The following ZAN variants were observed in gnomAD, a reference collection of about 807,000 sequenced individuals.
ZAN encodes the protein zonadhesin.
In ZAN, 260 loss-of-function variants were observed where a neutral mutation model predicts 286.2. That is an observed-to-expected ratio of 0.91 (90% confidence interval 0.82 to 1.01). The LOEUF (loss-of-function observed/expected upper bound fraction) is 1.01. Among genes scored for constraint, ZAN ranks in the 50% least tolerant of loss-of-function variants. ZAN has a pLI of 0.00. For synonymous variants in ZAN, 1,368 were observed against 1,417.5 expected, an observed-to-expected ratio of 0.97 and a Z score of 0.79; for missense variants, 3,410 against 3,639.2, an observed-to-expected ratio of 0.94 and a Z score of 1.62.
At position 100,792,423 on chromosome 7, in the gene ZAN, G is replaced by A. The variant is rs372091070; in HGVS notation, c.7731G>A (p.Leu2577=). The A allele has an allele frequency of 9.2e-5, 149 of 1,613,176 alleles. No homozygotes were observed. Among genetic ancestry groups the A allele is most frequent in the Non-Finnish European group, 1.3e-4 (148 of 1,179,566 alleles). Residue 2577 remains leucine, a synonymous_variant, in exon 42 of 48, where the codon CTG becomes CTA. Coordinates refer to ENST00000613979, the MANE Select transcript of ZAN (RefSeq NM_003386.3). ...EPFQEHCVLD[L]CSAQDPREQE... ...GCACCAGGCACTGCGTGCTGGATCT[G>A]TGCTCTGCTCAGGACCCAAGAGAGC...
chr7:100,779,389 A>C, intron 34 of ZAN, 57 bp from the exon 35 acceptor site: 1 of 1,499,572 alleles, frequency 6.7e-7, no homozygotes, highest in Non-Finnish European at 8.9e-7. Flanking sequence ...AGAAAAAAAA[A>C]TTTTGTGTCA....
intron 14 of ZAN, among the ~76,000 whole-genome samples, chr7:100,754,137 G>A (rs1326908261): frequency 6.6e-6 from 1 of 152,048 alleles, no homozygotes; most frequent in Non-Finnish European, 1.5e-5. Context: ...CCATACTGTA[G>A]CATGCATCAG....
chr7:100,781,710 G>A (rs1277957085), intron 35 of ZAN, among the ~76,000 whole-genome samples: 1 of 144,180 alleles, frequency 6.9e-6, no homozygotes, highest in African/African-American at 2.6e-5. Context: ...CTATGATCTC[G>A]GCTCACTGTG....
At chr7:100,734,402 G>C (rs570719137) in intron 2 of ZAN, among the ~76,000 whole-genome samples, 181 bp downstream of exon 2, 3 of 139,514 alleles carry the variant, frequency 2.2e-5, no homozygotes, top group African/African-American at 7.8e-5. Context: ...GGCAGATCAC[G>C]AGGTCAGGAG....
rs1810556842 is a variant in ZAN, at chr7:100,773,753, C to T, written c.5667C>T (p.Cys1889=). The change falls in exon 31 of 48, where the codon TGC becomes TGT. Residue 1889 remains cysteine (C), a synonymous_variant. Coordinates refer to ENST00000613979, the MANE Select transcript of ZAN (RefSeq NM_003386.3). ...VGERWYTENT[C]TRLCTCSVHN... is the part of the protein sequence containing the mutation. Reference sequence around the variant, plus strand: ...AGCGCTGGTACACAGAGAACACCTGCACCAGGCTCTGCACCTGCTCCGTCC... The same window carrying T: ...AGCGCTGGTACACAGAGAACACCTGTACCAGGCTCTGCACCTGCTCCGTCC... 3 of 1,611,464 alleles carry T rather than the reference C, an allele frequency of 1.9e-6. No homozygotes were observed. Among genetic ancestry groups the T allele is most frequent in the Non-Finnish European group, 8.5e-7 (1 of 1,178,754 alleles).
intron 35 of ZAN, among the ~76,000 whole-genome samples, chr7:100,783,787 C>CACAT (rs1182700250): frequency 9.1e-5 from 1 of 11,032 alleles, no homozygotes; most frequent in East Asian, 2.2e-3. Context: ...TATATATACA[C>CACAT]ATATATATAT....
At chr7:100,758,401 C>T in intron 16 of ZAN, 58 bp downstream of exon 16, 8 of 1,595,200 alleles carry the variant, frequency 5.0e-6, no homozygotes, top group Non-Finnish European at 1.7e-6. Context: ...AGACGTGACG[C>T]CAGGATCCCA....
Position 100,769,835 on chromosome 7 carries a change from C to G in ZAN, c.5154-45C>G, listed in dbSNP as rs767767447. 6.5e-6 allele frequency: 10 copies of G among 1,530,452 alleles called. No homozygotes were observed. The African/African-American group carries it at 1.4e-4, about 21-fold the overall frequency. 94.8% of individuals were successfully genotyped at this position (1,530,452 alleles called of 1,614,324 possible). ...GTGCTGGGATTATAGGCATGAGCCA[C>G]TGCACCCAACCTGTAGCCCTCAGTT... is the stretch of plus-strand genomic sequence containing the variant. On this transcript the variant is annotated intron_variant, in intron 27 of 47. Coordinates refer to ENST00000613979, the MANE Select transcript of ZAN (RefSeq NM_003386.3).
chr7:100,788,648 G>A (rs1811736445), intron 38 of ZAN, among the ~76,000 whole-genome samples: 1 of 152,118 alleles, frequency 6.6e-6, no homozygotes, highest in African/African-American at 2.4e-5. Context: ...CAGAGCGTGA[G>A]GTGTGTGAAG....
At position 100,766,383 on chromosome 7, in the gene ZAN, G is replaced by A. The variant is rs570530125; in HGVS notation, c.4471-142G>A. 3,864 of 1,077,560 alleles carry A rather than the reference G, an allele frequency of 3.6e-3. 190 individuals carry two copies. The South Asian group carries it at 0.072, about 20-fold the overall frequency. The allele number at this position is 1,077,560 out of a possible 1,614,324, so 66.7% of individuals were successfully genotyped here. On this transcript the variant is annotated intron_variant, in intron 23 of 47. Coordinates refer to ENST00000613979, the MANE Select transcript of ZAN (RefSeq NM_003386.3). ...ATGCCAAGCTTTTGCAGCGAATCTC[G>A]GAGCTTCAGGAAGAGAGGATGTCTC...
At chr7:100,787,798 G>T (rs1021491410) in intron 37 of ZAN, 91 bp from the exon 38 acceptor site, 5 of 1,328,204 alleles carry the variant, frequency 3.8e-6, no homozygotes, top group Non-Finnish European at 4.9e-6. Context: ...CTGACCTCAG[G>T]TCATCCACCC....
In ZAN at chr7:100,767,948, G is replaced by A. The variant is rs562755850; in HGVS notation, c.4978G>A (p.Gly1660Arg). 1.3e-5 allele frequency: 21 copies of A among 1,613,912 alleles called. No homozygotes were observed. The South Asian group carries it at 1.5e-4, about 12-fold the overall frequency. ...TNFGLQVRYD[G>R]SHLVEVTVPS... Reference sequence around the variant, plus strand: ...CTTTGGGCTCCAAGTTCGCTACGACGGGAGCCACTTGGTGGAAGTGACAGT... The same window carrying A: ...CTTTGGGCTCCAAGTTCGCTACGACAGGAGCCACTTGGTGGAAGTGACAGT... Residue 1660 changes from glycine (G) to arginine (R), a missense_variant, in exon 26 of 48, where the codon GGG (glycine) becomes AGG (arginine). Coordinates refer to ENST00000613979, the MANE Select transcript of ZAN (RefSeq NM_003386.3).
intron 7 of ZAN, among the ~76,000 whole-genome samples, chr7:100,745,334 G>C (rs1463250869): frequency 6.6e-6 from 1 of 151,658 alleles, no homozygotes; most frequent in Non-Finnish European, 1.5e-5. Context: ...TTCGGCAGGA[G>C]TGAGCGCGCG....
In ZAN at chr7:100,773,382, A is replaced by G; in HGVS notation, c.5523A>G (p.Ala1841=). The change falls in exon 30 of 48, where the codon GCA becomes GCG. Residue 1841 remains alanine (A), a synonymous_variant. Coordinates refer to ENST00000613979, the MANE Select transcript of ZAN (RefSeq NM_003386.3). ...ACAACCCGAGGGACTGCCCCAAAGC[A>G]CTGCCCTGTGCTGAGAGCTGTGAAT... The part of the protein sequence containing the change: ...SINNPRDCPK[A]LPCAESCECQ... The G allele has an allele frequency of 6.2e-7, 1 of 1,614,030 alleles. No homozygotes were observed. The highest frequency in any genetic ancestry group is 8.5e-7 in the Non-Finnish European group (1 of 1,179,896).
chr7:100,797,290 C>T, intron 45 of ZAN, 76 bp from the exon 46 acceptor site: 1 of 1,427,222 alleles, frequency 7.0e-7, no homozygotes, highest in Non-Finnish European at 9.8e-7. Context: ...CAAGCAATCC[C>T]CAAAAGGGAG....
At chr7:100,793,001 A>AAAAAAAAAAAG (rs1812100820) in intron 42 of ZAN, among the ~76,000 whole-genome samples, 6 of 146,268 alleles carry the variant, frequency 4.1e-5, no homozygotes, top group Non-Finnish European at 9.1e-5. Flanking sequence ...AAAAAAAGAA[A>AAAAAAAAAAAG]GAAAGAAAGA....
chr7:100,748,490 C>G lies in ZAN; in HGVS notation c.1249+20C>G, dbSNP rs571915618. 6.3e-6 allele frequency: 10 copies of G among 1,597,960 alleles called. No homozygotes were observed. The African/African-American group carries it at 1.2e-4, about 19-fold the overall frequency. On this transcript the variant is annotated intron_variant, in intron 11 of 47. Transcript: ENST00000613979. ...ATGCAGGTGAGGAGATTGAGGAGCG[C>G]TCACGCCAAGAAATCACTCAGTCTG...
In ZAN at chr7:100,775,326, A is replaced by T; in HGVS notation, c.5780-2A>T. Reference sequence around the variant, plus strand: ...AGCCCAGCTGTCTCTCTGTCCTCCCAGGTGTGGGAGTGTGTCAGCTCCCAG... The same window carrying T: ...AGCCCAGCTGTCTCTCTGTCCTCCCTGGTGTGGGAGTGTGTCAGCTCCCAG... On this transcript the variant is annotated splice_acceptor_variant, in intron 31 of 47. Transcript: ENST00000613979. LOFTEE classifies it high-confidence loss of function. 1 of 1,612,578 alleles carries T rather than the reference A, an allele frequency of 6.2e-7. No homozygotes were observed. Among genetic ancestry groups the T allele is most frequent in the African/African-American group, 1.3e-5 (1 of 75,006 alleles).
At position 100,758,301 on chromosome 7, in the gene ZAN, G is replaced by C; in HGVS notation, c.3409G>C (p.Val1137Leu). Residue 1137 changes from valine (V) to leucine (L), a missense_variant, in exon 16 of 48, where the codon GTG becomes CTG. Val to Leu is a conservative substitution (Grantham distance 32, BLOSUM62 1). Transcript: ENST00000613979. ...CQISQCGTHT[V>L]CQLKNGQYGC... ...GATCTCTCAGTGTGGGACACACACC[G>C]TGTGCCAGCTTAAGAATGGCCAGTA... is the stretch of plus-strand genomic sequence containing the variant. 6.2e-7 allele frequency: 1 copy of C among 1,613,296 alleles called. No homozygotes were observed. The highest frequency in any genetic ancestry group is 8.5e-7 in the Non-Finnish European group (1 of 1,179,860).
Sources: gnomAD v4.1 joint callset for allele counts (sites outside exome capture counted in the v4.1 genomes callset) on GRCh38, gnomAD v4.1.1 for gene constraint, MANE v1.5 for transcripts, NCBI Gene and HGNC (gene_info 2026-07-23, HGNC 2026-07-21) for gene names.